EFCAB6: variants seen among roughly 807,000 people sequenced by gnomAD.
The protein encoded by EFCAB6 is EF-hand calcium-binding domain-containing protein 6.
A neutral mutation model predicts 169.8 loss-of-function variants in EFCAB6; 156 were observed. That is an observed-to-expected ratio of 0.92 (90% CI 0.81 to 1.05). The LOEUF (loss-of-function observed/expected upper bound fraction) is 1.05, where lower values mean the gene tolerates loss of function less well. Among genes scored for constraint, EFCAB6 ranks in the 50% least tolerant of loss-of-function variants. The pLI is 0.00. For missense variants in EFCAB6, 1,800 were observed against 1,829.1 expected (o/e 0.98, Z 0.29); for synonymous variants, 698 against 676.4 (o/e 1.03, Z -0.50).
At chr22:43,809,340 C>T (rs962148989) in intron 1 of EFCAB6, among the ~76,000 whole-genome samples, 2 of 151,954 alleles carry the variant, frequency 1.3e-5, no homozygotes, top group African/African-American at 4.8e-5. Flanking sequence ...TTTCTGATAC[C>T]TTCCTATTCT....
chr22:43,725,495 C>A (rs1386387289), intron 8 of EFCAB6, among the ~76,000 whole-genome samples: 1 of 152,230 alleles, frequency 6.6e-6, no homozygotes, highest in Non-Finnish European at 1.5e-5. Flanking sequence ...ATCCCCTTCA[C>A]AGGGGCAGAG....
intron 2 of EFCAB6, among the ~76,000 whole-genome samples, chr22:43,805,373 C>CTGCCA (rs1290383613): frequency 2.6e-5 from 4 of 152,328 alleles, no homozygotes; most frequent in Non-Finnish European, 4.4e-5. Context: ...GAATAAAATT[C>CTGCCA]TGCCATTTGT....
At chr22:43,659,105 A>C (rs2056885109) in intron 17 of EFCAB6, among the ~76,000 whole-genome samples, 1 of 152,234 alleles carries the variant, frequency 6.6e-6, no homozygotes, top group Admixed American at 6.5e-5. Flanking sequence ...CTAATCCAGC[A>C]CATGCGGGAG....
chr22:43,667,963 G>T (rs1049436693), intron 16 of EFCAB6, among the ~76,000 whole-genome samples: 1 of 152,088 alleles, frequency 6.6e-6, no homozygotes, highest in Non-Finnish European at 1.5e-5. Context: ...TTCCTTCCCC[G>T]CTGCGTCTCC....
chr22:43,628,850 T>C lies in EFCAB6; in HGVS notation c.2233-2171A>G, dbSNP rs979476363. Reference sequence around the variant, plus strand: ...ATCTAGTAGAGGTTTCTGTGTCCACTGCACTTCCCCCTAGAACATAAGCAT... The same window carrying C: ...ATCTAGTAGAGGTTTCTGTGTCCACCGCACTTCCCCCTAGAACATAAGCAT... On this transcript the variant is annotated intron_variant, in intron 19 of 31. Coordinates refer to ENST00000262726, the MANE Select transcript of EFCAB6 (RefSeq NM_022785.4). The surrounding 1 kb of genome is among the most constrained non-coding windows in gnomAD (Gnocchi z 4.8). Among the ~76,000 whole-genome samples, 2 of 152,202 alleles carry C rather than the reference T, an allele frequency of 1.3e-5. No individual in the cohort carries two copies. Among genetic ancestry groups the C allele is most frequent in the Non-Finnish European group, 2.9e-5 (2 of 68,038 alleles).
chr22:43,632,294 C>CTTTTTTTTTT (rs200314912), intron 18 of EFCAB6, 56 bp from the exon 19 acceptor site: 5 of 1,131,136 alleles, frequency 4.4e-6, no homozygotes, highest in Non-Finnish European at 4.6e-6. Context: ...TTCATTCCTT[C>CTTTTTTTTTT]TTTTTTTTTT....
intron 29 of EFCAB6, 24 bp from the exon 30 acceptor site, chr22:43,534,896 A>G (rs1363656667): frequency 3.2e-6 from 5 of 1,581,074 alleles, no homozygotes; most frequent in Middle Eastern, 1.7e-4. Context: ...TGGCAGTTCA[A>G]TTGGTGGCGA....
chr22:43,613,191 ATT>A (rs1358353544), intron 21 of EFCAB6, among the ~76,000 whole-genome samples: 3 of 147,994 alleles, frequency 2.0e-5, no homozygotes, highest in Non-Finnish European at 4.5e-5. Flanking sequence ...TAACATATAT[ATT>A]AATATATTTG....
At chr22:43,738,942 C>A (rs1314877725) in intron 6 of EFCAB6, among the ~76,000 whole-genome samples, 4 of 152,178 alleles carry the variant, frequency 2.6e-5, no homozygotes, top group African/African-American at 4.8e-5. Context: ...GGTGGGGCCA[C>A]GTGATGCACA....
At chr22:43,742,452 C>T (rs79422722) in intron 6 of EFCAB6, among the ~76,000 whole-genome samples, 5,737 of 152,304 alleles carry the variant, frequency 0.038, 147 homozygotes, top group Non-Finnish European at 0.054. Flanking sequence ...ACACCATCCT[C>T]GCTTACTTAC....
rs140187600 is a variant in EFCAB6 at position 43,738,155 on chromosome 22, C to A, written c.508-2162G>T. Among the ~76,000 whole-genome samples the A allele has an allele frequency of 3.2e-3, 492 of 151,958 alleles. 1 individual carries two copies. Among genetic ancestry groups the A allele is most frequent in the African/African-American group, 0.011 (472 of 41,394 alleles). ...ACACCTGTGCATATACTCACACTCA[C>A]ACCATCACTCACACACATATATGCA... On this transcript the variant is annotated intron_variant, in intron 6 of 31. Coordinates refer to ENST00000262726, the MANE Select transcript of EFCAB6 (RefSeq NM_022785.4).
At chr22:43,736,159 CTT>C (rs2060130324) in intron 6 of EFCAB6, among the ~76,000 whole-genome samples, 166 bp from the exon 7 acceptor site, 1 of 152,192 alleles carries the variant, frequency 6.6e-6, no homozygotes, top group African/African-American at 2.4e-5. Flanking sequence ...AAAAAGAACA[CTT>C]TGCATTTATT....
chr22:43,709,242 C>T (rs748339224), intron 10 of EFCAB6, among the ~76,000 whole-genome samples: 3 of 152,090 alleles, frequency 2.0e-5, no homozygotes, highest in South Asian at 2.1e-4. Context: ...CCACCATGCC[C>T]GGCTAATTTT....
chr22:43,660,457 C>T (rs2056948203), intron 17 of EFCAB6, among the ~76,000 whole-genome samples: 1 of 152,086 alleles, frequency 6.6e-6, no homozygotes, highest in Non-Finnish European at 1.5e-5. Context: ...CCCATAGGAA[C>T]ACAACCTTGT....
chr22:43,716,865 T>C lies in EFCAB6; in HGVS notation c.865A>G (p.Arg289Gly), dbSNP rs1264609057. The C allele has an allele frequency of 6.2e-7, 1 of 1,604,050 alleles. No homozygotes were observed. The highest frequency in any genetic ancestry group is 1.7e-5 in the Admixed American group (1 of 58,388). The change falls in exon 9 of 32, where the codon AGG (arginine) becomes GGG (glycine). Residue 289 changes from arginine to glycine, a missense_variant. Coordinates refer to ENST00000262726, the MANE Select transcript of EFCAB6 (RefSeq NM_022785.4). ...WRNYSLDEIERNFCLQLSKSY... is the reference protein window; with the variant it reads ...WRNYSLDEIEGNFCLQLSKSY... ...CATCTTACTTGTAGACAAAAGTTCCTCTCAATTTCATCCAAGGAGTAGTTT... is the reference window on the plus strand; with the variant it reads ...CATCTTACTTGTAGACAAAAGTTCCCCTCAATTTCATCCAAGGAGTAGTTT...
chr22:43,807,901 C>T (rs1207816691), intron 2 of EFCAB6, among the ~76,000 whole-genome samples: 1 of 152,162 alleles, frequency 6.6e-6, no homozygotes, highest in Non-Finnish European at 1.5e-5. Context: ...CATTCTTGGA[C>T]GGTGGAAAAA....
Position 43,540,340 on chromosome 22 carries a change from G to T in EFCAB6, c.3666C>A (p.Asn1222Lys). ...LTDEQFDRLW[N>K]EMPVNAKGRL... ...TCCCCTTGGCATTGACTGGCATCTCGTTCCAGAGTCTGTCAAACTGGAGAA... is the reference window on the plus strand; with the variant it reads ...TCCCCTTGGCATTGACTGGCATCTCTTTCCAGAGTCTGTCAAACTGGAGAA... The change falls in exon 28 of 32, where the codon AAC becomes AAA. Residue 1222 changes from asparagine (N) to lysine (K), a missense_variant. By Grantham distance (94) the Asn-to-Lys change is moderately conservative. Coordinates refer to ENST00000262726, the MANE Select transcript of EFCAB6 (RefSeq NM_022785.4). 1 of 1,614,152 alleles carries T rather than the reference G, an allele frequency of 6.2e-7. No homozygotes were observed. Among genetic ancestry groups the T allele is most frequent in the Non-Finnish European group, 8.5e-7 (1 of 1,180,040 alleles).
intron 3 of EFCAB6, among the ~76,000 whole-genome samples, chr22:43,778,696 T>G (rs1031012515): frequency 2.6e-5 from 4 of 152,158 alleles, no homozygotes; most frequent in African/African-American, 9.7e-5. Context: ...AAAGACCTGT[T>G]GAAGGCAAGC....
chr22:43,765,430 A>C, intron 4 of EFCAB6, 37 bp from the exon 5 acceptor site: 1 of 1,524,588 alleles, frequency 6.6e-7, no homozygotes. Context: ...CATGTTAGAG[A>C]ATTAAGATCC....
Sources: allele counts gnomAD v4.1 joint callset (sites outside exome capture counted in the v4.1 genomes callset), GRCh38; gene constraint gnomAD v4.1.1; non-coding constraint Gnocchi (gnomAD v3.1); transcripts MANE v1.5; gene names NCBI Gene and HGNC (gene_info 2026-07-23, HGNC 2026-07-21).